The following EXOC1 variants were observed in gnomAD, a reference collection of about 807,000 sequenced individuals.
EXOC1 encodes SEC3-like 1.
Under a neutral mutation model 107.7 loss-of-function variants are expected in EXOC1, and 67 were observed. That is an observed-to-expected ratio of 0.62 (90% confidence interval 0.51 to 0.76). The LOEUF (loss-of-function observed/expected upper bound fraction) is 0.76. Ranked by LOEUF, EXOC1 falls within the 30% of genes least tolerant of loss-of-function variation. The pLI is 0.00. For synonymous variants in EXOC1, 348 were observed against 353.5 expected (o/e 0.98, Z 0.17); for missense variants, 833 against 1,055.7 (o/e 0.79, Z 2.92).
At chr4:55,873,518 T>C (rs552006734) in intron 8 of EXOC1, among the ~76,000 whole-genome samples, 2 of 152,176 alleles carry the variant, frequency 1.3e-5, no homozygotes, top group Non-Finnish European at 2.9e-5. Flanking sequence ...CAGTAAACAA[T>C]AGTCTTTTCT....
intron 16 of EXOC1, among the ~76,000 whole-genome samples, chr4:55,897,161 C>G (rs959904487): frequency 1.3e-5 from 2 of 149,862 alleles, no homozygotes; most frequent in African/African-American, 4.9e-5. Context: ...GGGCCTCACT[C>G]TGTCGCCCAG....
chr4:55,901,273 C>T (rs766680108), intron 17 of EXOC1, among the ~76,000 whole-genome samples: 63 of 152,054 alleles, frequency 4.1e-4, no homozygotes, highest in Non-Finnish European at 7.6e-4. Flanking sequence ...TACTGAAAAA[C>T]AATGTATTTC....
At chr4:55,860,323 G>A in intron 2 of EXOC1, 88 bp from the exon 3 acceptor site, 3 of 1,526,180 alleles carry the variant, frequency 2.0e-6, no homozygotes, top group Non-Finnish European at 2.7e-6. Flanking sequence ...CAGCTACTAG[G>A]CACCTGAAAG....
At chr4:55,889,593 G>GT (rs1488747230) in intron 11 of EXOC1, among the ~76,000 whole-genome samples, 2 of 152,006 alleles carry the variant, frequency 1.3e-5, no homozygotes, top group Non-Finnish European at 2.9e-5. Flanking sequence ...TTTTCAGGGT[G>GT]TTTTTTCTGT....
chr4:55,870,200 C>T (rs570500821), intron 5 of EXOC1, among the ~76,000 whole-genome samples: 11 of 152,278 alleles, frequency 7.2e-5, no homozygotes, highest in Non-Finnish European at 1.5e-4. Context: ...TCTGGTATAC[C>T]ACTGCTGCTT....
intron 10 of EXOC1, 106 bp from the exon 11 acceptor site, chr4:55,888,782 G>A: frequency 9.0e-7 from 1 of 1,107,994 alleles, no homozygotes; most frequent in Non-Finnish European, 1.4e-6. Context: ...TTCTTTGCAT[G>A]TGTCTTTTAA....
intron 9 of EXOC1, chr4:55,883,514 A>G (rs1293327083): frequency 1.6e-5 from 3 of 188,222 alleles, no homozygotes; most frequent in Non-Finnish European, 3.2e-5. Context: ...GGAGAAATGT[A>G]TTTGTTCTGA....
At chr4:55,859,262 C>T (rs1187072117) in intron 2 of EXOC1, among the ~76,000 whole-genome samples, 1 of 152,072 alleles carries the variant, frequency 6.6e-6, no homozygotes, top group African/African-American at 2.4e-5. Flanking sequence ...TGTCCATGAA[C>T]ATGGTACAGT....
intron 3 of EXOC1, among the ~76,000 whole-genome samples, chr4:55,860,958 C>CA (rs749255857): frequency 0.067 from 4,848 of 72,752 alleles, 252 homozygotes; most frequent in African/African-American, 0.2. Context: ...GTTTGTGGAT[C>CA]AAAAAAAAAA....
At chr4:55,873,730 C>T (rs1722651424) in intron 8 of EXOC1, among the ~76,000 whole-genome samples, 2 of 152,142 alleles carry the variant, frequency 1.3e-5, no homozygotes, top group Non-Finnish European at 2.9e-5. Context: ...ATATCCCACA[C>T]ATAAGAAAGA....
rs1726054545 is a variant in EXOC1 at position 55,902,339 on chromosome 4, T to G, written c.2338-5T>G. On this transcript the variant is annotated splice_region_variant and splice_polypyrimidine_tract_variant and intron_variant, in intron 17 of 18. Coordinates refer to ENST00000381295, the MANE Select transcript of EXOC1 (RefSeq NM_001024924.2). ...TAGCCATTGTTTCTTTTCATTTCCT[T>G]GAAGCATTTCTTTGAAGGTGTTGAA... The G allele has an allele frequency of 1.4e-6, 2 of 1,434,284 alleles. No individual in the cohort carries two copies. Among genetic ancestry groups the G allele is most frequent in the African/African-American group, 1.5e-5 (1 of 68,140 alleles). 88.8% of individuals were successfully genotyped at this position (1,434,284 alleles called of 1,614,324 possible).
intron 3 of EXOC1, among the ~76,000 whole-genome samples, chr4:55,863,507 A>G (rs1463418938): frequency 6.6e-6 from 1 of 152,086 alleles, no homozygotes; most frequent in Non-Finnish European, 1.5e-5. Flanking sequence ...GCTACTCAGG[A>G]GGCTGAGGTT....
chr4:55,867,796 T>C (rs1219463261), intron 4 of EXOC1, among the ~76,000 whole-genome samples: 1 of 152,182 alleles, frequency 6.6e-6, no homozygotes, highest in Non-Finnish European at 1.5e-5. Context: ...AATATTCTAG[T>C]GACCAAAATA....
intron 11 of EXOC1, among the ~76,000 whole-genome samples, chr4:55,889,436 G>A (rs1724261408): frequency 6.6e-6 from 1 of 151,966 alleles, no homozygotes; most frequent in Admixed American, 6.6e-5. Flanking sequence ...TAATTCCTTG[G>A]TGTATGTGAG....
At chr4:55,878,198 C>A in intron 9 of EXOC1, 132 bp downstream of exon 9, 1 of 979,586 alleles carries the variant, frequency 1.0e-6, no homozygotes, top group Non-Finnish European at 1.5e-6. Flanking sequence ...AGTCAGTGCT[C>A]TTTACCAGTG....
intron 9 of EXOC1, among the ~76,000 whole-genome samples, chr4:55,880,130 C>T (rs963315529): frequency 1.3e-5 from 2 of 151,888 alleles, no homozygotes; most frequent in African/African-American, 2.4e-5. Flanking sequence ...TTTGTGTTTA[C>T]GTATTTGACA....
At chr4:55,892,835 T>C (rs1453925363) in intron 14 of EXOC1, 124 bp downstream of exon 14, 5 of 797,288 alleles carry the variant, frequency 6.3e-6, no homozygotes, top group African/African-American at 1.7e-5. Context: ...CCAGCATGTG[T>C]GTCCATTGTC....
chr4:55,902,483 A>G lies in EXOC1; in HGVS notation c.2477A>G (p.Asp826Gly). The change falls in exon 18 of 19, where the codon GAT (aspartate) becomes GGT (glycine). Residue 826 changes from aspartate (D) to glycine (G), a missense_variant. Asp to Gly is a moderately conservative substitution (Grantham distance 94, BLOSUM62 -1). Coordinates refer to ENST00000381295, the MANE Select transcript of EXOC1 (RefSeq NM_001024924.2). ...GGAAAGGAAGTAAAAAAAGGTCTAG[A>G]TAACCTCTACAAGAAAGTTGATAAA... Reference protein sequence around the residue: ...YPGKEVKKGLDNLYKKVDKHL... With the variant: ...YPGKEVKKGLGNLYKKVDKHL... 3 of 1,571,566 alleles carry G rather than the reference A, an allele frequency of 1.9e-6. No homozygotes were observed. The highest frequency in any genetic ancestry group is 2.6e-6 in the Non-Finnish European group (3 of 1,164,086).
rs1293460866 is a variant in EXOC1, at chr4:55,904,286, T to C, written c.2533-57T>C. The C allele has an allele frequency of 4.7e-6, 7 of 1,493,142 alleles. No homozygotes were observed. The East Asian group carries it at 1.2e-4, about 25-fold the overall frequency. 92.5% of individuals were successfully genotyped at this position (1,493,142 alleles called of 1,614,324 possible). On this transcript the variant is annotated intron_variant, in intron 18 of 18. Coordinates refer to ENST00000381295, the MANE Select transcript of EXOC1 (RefSeq NM_001024924.2). ...AATATGCCTTGGCATTATTTCTGCA[T>C]ACTAGATTACATATTATTTCCATTC...
Sources: gnomAD v4.1 joint callset for allele counts (sites outside exome capture counted in the v4.1 genomes callset) on GRCh38, gnomAD v4.1.1 for gene constraint, MANE v1.5 for transcripts, NCBI Gene and HGNC (gene_info 2026-07-23, HGNC 2026-07-21) for gene names.